The following XIRP2 variants were observed in gnomAD, a reference collection of about 807,000 sequenced individuals.
XIRP2 encodes xin actin-binding repeat-containing protein 2.
XIRP2 carries 236 observed loss-of-function variants against 277.0 expected under a neutral mutation model. That is an observed-to-expected ratio of 0.85 (90% CI 0.77 to 0.95). XIRP2 has a LOEUF of 0.95. Among genes scored for constraint, XIRP2 ranks in the 40% least tolerant of loss-of-function variants. The pLI, the probability that XIRP2 is intolerant of heterozygous loss-of-function variation, is 0.00. For missense variants in XIRP2, 4,640 were observed against 4,157.5 expected (o/e 1.12, Z -3.19); for synonymous variants, 1,490 against 1,416.5 (o/e 1.05, Z -1.17).
chr2:167,004,168 A>G (rs984175765), intron 2 of XIRP2, among the ~76,000 whole-genome samples: 1 of 151,926 alleles, frequency 6.6e-6, no homozygotes, highest in Non-Finnish European at 1.5e-5. Flanking sequence ...ATTATCAGCA[A>G]TATAAGAAGG....
At chr2:167,188,016 G>C (rs758554546) in intron 3 of XIRP2, among the ~76,000 whole-genome samples, 4 of 152,096 alleles carry the variant, frequency 2.6e-5, no homozygotes, top group Non-Finnish European at 4.4e-5. Context: ...TGCTTTTGTA[G>C]TTCTTGCTCC....
At chr2:167,101,320 T>C (rs552987873) in intron 2 of XIRP2, among the ~76,000 whole-genome samples, 3 of 152,326 alleles carry the variant, frequency 2.0e-5, no homozygotes, top group African/African-American at 4.8e-5. Context: ...TATGTACATA[T>C]ATAATTTTTT....
rs534786353 is a variant in XIRP2 at position 167,035,677 on chromosome 2, G to T, written c.409-100232G>T. On this transcript the variant is annotated intron_variant, in intron 2 of 10. Coordinates refer to ENST00000409195, the MANE Select transcript of XIRP2 (RefSeq NM_152381.6). ...AGAAAAGAAAAACCCATTTTCTGTG[G>T]AGAAATTCAAGCCAGCTGCAGAAAT... 2.4e-3 allele frequency among the ~76,000 whole-genome samples: 359 copies of T among 152,336 alleles called. 3 individuals carry two copies. The South Asian group carries it at 0.024, about 10-fold the overall frequency.
At position 167,241,758 on chromosome 2, in the gene XIRP2, T is replaced by C; in HGVS notation, c.1043-19T>C. On this transcript the variant is annotated intron_variant, in intron 7 of 10. Transcript: ENST00000409195. ...TTTAGTAATTACATAGTAACCCTGGTGTGTTTTTCTGTTTGTAGTCATTGA... is the reference window on the plus strand; with the variant it reads ...TTTAGTAATTACATAGTAACCCTGGCGTGTTTTTCTGTTTGTAGTCATTGA... 1.3e-6 allele frequency: 2 copies of C among 1,589,730 alleles called. No individual in the cohort carries two copies. Among genetic ancestry groups the C allele is most frequent in the Non-Finnish European group, 1.7e-6 (2 of 1,171,000 alleles).
chr2:167,211,215 A>G (rs1260737283), intron 4 of XIRP2, among the ~76,000 whole-genome samples: 1 of 152,058 alleles, frequency 6.6e-6, no homozygotes, highest in Non-Finnish European at 1.5e-5. Flanking sequence ...CTCTTGCCTC[A>G]GCCTCCCGAG....
chr2:166,927,591 C>G (rs567658597), intron 2 of XIRP2, among the ~76,000 whole-genome samples: 1 of 152,136 alleles, frequency 6.6e-6, no homozygotes, highest in Non-Finnish European at 1.5e-5. Flanking sequence ...CTCTGACCCC[C>G]GCTTCTACTT....
intron 2 of XIRP2, among the ~76,000 whole-genome samples, chr2:167,123,444 G>A (rs998293742): frequency 1.5e-4 from 23 of 152,132 alleles, no homozygotes; most frequent in African/African-American, 5.1e-4. Context: ...TTTGCTAGGG[G>A]TGCCGTAACA....
chr2:167,071,065 A>G (rs981838496), intron 2 of XIRP2, among the ~76,000 whole-genome samples: 2 of 152,182 alleles, frequency 1.3e-5, no homozygotes, highest in Non-Finnish European at 2.9e-5. Context: ...TCAGGACAAC[A>G]GTTTTACCAA....
At chr2:167,163,267 A>G (rs539744094) in intron 3 of XIRP2, among the ~76,000 whole-genome samples, 16 of 152,280 alleles carry the variant, frequency 1.1e-4, no homozygotes, top group African/African-American at 3.9e-4. Context: ...TGTTTTGACC[A>G]TTTTACACTC....
chr2:167,073,917 T>G lies in XIRP2; in HGVS notation c.409-61992T>G, dbSNP rs1028938923. 1.5e-4 allele frequency among the ~76,000 whole-genome samples: 23 copies of G among 152,340 alleles called. 1 individual carries two copies. Among genetic ancestry groups the G allele is most frequent in the Admixed American group, 1.3e-3 (20 of 15,312 alleles). ...AAGTCTTAAGTTTTTAATTGCATAG[T>G]TCAGCTTAGAATTTTTAAAATAATT... On this transcript the variant is annotated intron_variant, in intron 2 of 10. Coordinates refer to ENST00000409195, the MANE Select transcript of XIRP2 (RefSeq NM_152381.6).
At chr2:167,120,676 G>A (rs900790306) in intron 2 of XIRP2, among the ~76,000 whole-genome samples, 5 of 152,110 alleles carry the variant, frequency 3.3e-5, no homozygotes, top group African/African-American at 7.2e-5. Flanking sequence ...TATATAAAGC[G>A]TGGACAGCCA....
At chr2:166,975,692 A>G (rs752700225) in intron 2 of XIRP2, among the ~76,000 whole-genome samples, 37 of 152,000 alleles carry the variant, frequency 2.4e-4, no homozygotes, top group Admixed American at 2.2e-3. Context: ...TTGGGAGGCC[A>G]AGGCGGGCAG....
intron 2 of XIRP2, among the ~76,000 whole-genome samples, chr2:167,104,776 G>C (rs1690571840): frequency 6.6e-6 from 1 of 151,898 alleles, no homozygotes; most frequent in Non-Finnish European, 1.5e-5. Context: ...CAAATCAGTT[G>C]ACCCATAACT....
chr2:166,966,979 A>T lies in XIRP2; in HGVS notation c.408+63089A>T, dbSNP rs148653675. ...ATTTTGCTTTTGGAACAACATCCTC[A>T]GGAGATTTGTAGGCACCCCATATTT... is the stretch of plus-strand genomic sequence containing the variant. On this transcript the variant is annotated intron_variant, in intron 2 of 10. Transcript: ENST00000409195. Among the ~76,000 whole-genome samples, 246 of 152,034 alleles carry T rather than the reference A, an allele frequency of 1.6e-3. 1 individual carries two copies. The highest frequency in any genetic ancestry group is 0.014 in the Middle Eastern group (4 of 294).
chr2:167,172,688 C>A (rs1162831030), intron 3 of XIRP2, among the ~76,000 whole-genome samples: 1 of 152,202 alleles, frequency 6.6e-6, no homozygotes, highest in African/African-American at 2.4e-5. Context: ...TCTCAGGCAG[C>A]CAGACCTAAT....
At chr2:167,068,877 A>G (rs927199200) in intron 2 of XIRP2, among the ~76,000 whole-genome samples, 1 of 152,112 alleles carries the variant, frequency 6.6e-6, no homozygotes, top group African/African-American at 2.4e-5. Context: ...CATTAGCTTT[A>G]GTGTATTTTA....
chr2:167,138,851 G>A (rs1574289327), intron 3 of XIRP2, among the ~76,000 whole-genome samples: 1 of 152,032 alleles, frequency 6.6e-6, no homozygotes, highest in Non-Finnish European at 1.5e-5. Context: ...GAATCACCTA[G>A]GGTCAGGAGT....
intron 2 of XIRP2, among the ~76,000 whole-genome samples, chr2:167,001,819 G>T (rs1687382989): frequency 6.6e-6 from 1 of 152,036 alleles, no homozygotes. Flanking sequence ...TGTAACTATA[G>T]TTAAAGAATC....
chr2:167,053,905 T>G (rs1245922647), intron 2 of XIRP2, among the ~76,000 whole-genome samples: 4 of 152,162 alleles, frequency 2.6e-5, no homozygotes, highest in Non-Finnish European at 5.9e-5. Context: ...AGTGAGAAGA[T>G]GCAAAAAAAT....
Sources: allele counts gnomAD v4.1 joint callset (sites outside exome capture counted in the v4.1 genomes callset), GRCh38; gene constraint gnomAD v4.1.1; transcripts MANE v1.5; gene names NCBI Gene and HGNC (gene_info 2026-07-23, HGNC 2026-07-21).